Variants in KIAA1549L observed in about 807,000 individuals in gnomAD.
KIAA1549L encodes KIAA1549 like.
KIAA1549L carries 88 observed loss-of-function variants against 160.7 expected under a neutral mutation model. The ratio of observed to expected loss-of-function variants is 0.55; its 90% CI spans 0.46 to 0.65. The LOEUF (loss-of-function observed/expected upper bound fraction) is 0.65, where lower values mean the gene tolerates loss of function less well. Among genes scored for constraint, KIAA1549L ranks in the 30% least tolerant of loss-of-function variants. The pLI is 0.00. For missense variants in KIAA1549L, 2,258 were observed against 2,437.5 expected (o/e 0.93, Z 1.55); for synonymous variants, 950 against 976.7 (o/e 0.97, Z 0.51).
chr11:33,455,270 G>A (rs1178243092), intron 1 of KIAA1549L, among the ~76,000 whole-genome samples: 1 of 152,188 alleles, frequency 6.6e-6, no homozygotes, highest in Admixed American at 6.5e-5. Context: ...TGTCCAGAAT[G>A]GTAGCCACAG....
intron 1 of KIAA1549L, among the ~76,000 whole-genome samples, chr11:33,449,315 G>T (rs1372329483): frequency 6.6e-6 from 1 of 151,696 alleles, no homozygotes; most frequent in East Asian, 1.9e-4. Flanking sequence ...CTTCTTTGGA[G>T]CTTACATTTT....
At chr11:33,454,109 A>G (rs1851774797) in intron 1 of KIAA1549L, among the ~76,000 whole-genome samples, 1 of 152,232 alleles carries the variant, frequency 6.6e-6, no homozygotes, top group Admixed American at 6.5e-5. Flanking sequence ...ACCCATCTGT[A>G]AACAGCTGTT....
At chr11:33,448,574 T>G (rs1307619495) in intron 1 of KIAA1549L, among the ~76,000 whole-genome samples, 1 of 152,182 alleles carries the variant, frequency 6.6e-6, no homozygotes, top group Non-Finnish European at 1.5e-5. Context: ...GAGAATAGGT[T>G]GATTCAGCTA....
chr11:33,505,875 G>A (rs1853073327), intron 1 of KIAA1549L, among the ~76,000 whole-genome samples: 1 of 152,126 alleles, frequency 6.6e-6, no homozygotes, highest in Non-Finnish European at 1.5e-5. Flanking sequence ...AATGTTATAC[G>A]ATAATAATCG....
Position 33,542,393 on chromosome 11 carries a change from C to A in KIAA1549L, c.830C>A (p.Ala277Asp). The change falls in exon 2 of 21, where the codon GCT becomes GAT. Residue 277 changes from alanine (A) to aspartate (D), a missense_variant. Physicochemically the swap from Ala to Asp is moderately radical, Grantham distance 126. This residue lies in a region of KIAA1549L where 540 missense variants were observed against 465.7 expected (regional missense o/e 1.16). Coordinates refer to ENST00000658780, the MANE Select transcript of KIAA1549L (RefSeq NM_012194.3). ...SPKVLLVPQT[A>D]PADPSLGQNI... Reference sequence around the variant, plus strand: ...AAAGTGCTGTTAGTTCCCCAAACAGCTCCAGCCGACCCCTCTTTAGGTCAG... The same window carrying A: ...AAAGTGCTGTTAGTTCCCCAAACAGATCCAGCCGACCCCTCTTTAGGTCAG... 2.2e-6 allele frequency: 3 copies of A among 1,385,902 alleles called. No individual in the cohort carries two copies. In the South Asian group the frequency reaches 4.2e-5, roughly 19 times the overall value. 85.9% of individuals were successfully genotyped at this position (1,385,902 alleles called of 1,614,324 possible).
At chr11:33,599,128 C>G (rs372015032) in intron 13 of KIAA1549L, 181 bp downstream of exon 13, 1 of 564,426 alleles carries the variant, frequency 1.8e-6, no homozygotes, top group African/African-American at 1.9e-5. Flanking sequence ...CTCACCTTAC[C>G]CCTTGTCTGA....
chr11:33,387,393 C>T (rs902802974), intron 1 of KIAA1549L, among the ~76,000 whole-genome samples: 12 of 152,060 alleles, frequency 7.9e-5, no homozygotes, highest in Non-Finnish European at 1.3e-4. Flanking sequence ...GCAATCTCCA[C>T]GTCCCAGGTT....
rs1159892237 is a variant in KIAA1549L at position 33,673,377 on chromosome 11, TCTC to T, written c.*5227_*5229del. The stretch of plus-strand genomic sequence containing the variant: ...TAAATTACTGTGGCCCCATCTTATT[TCTC>T]CTCATTTCTTCCTTATGTTTAAACA... On this transcript the variant is annotated 3_prime_UTR_variant, in exon 21 of 21. Transcript: ENST00000658780. 7 of 152,268 alleles carry T rather than the reference TCTC, an allele frequency of 4.6e-5. No homozygotes were observed. The South Asian group carries it at 6.2e-4, about 14-fold the overall frequency. 9.4% of individuals were successfully genotyped at this position (152,268 alleles called of 1,614,324 possible).
At chr11:33,537,710 T>A (rs910705321) in intron 1 of KIAA1549L, among the ~76,000 whole-genome samples, 2 of 152,186 alleles carry the variant, frequency 1.3e-5, no homozygotes, top group African/African-American at 2.4e-5. Context: ...TTAGGGAGAT[T>A]GTGGTTTCTT....
intron 4 of KIAA1549L, among the ~76,000 whole-genome samples, chr11:33,549,594 G>A (rs531637547): frequency 1.1e-3 from 160 of 152,236 alleles, no homozygotes; most frequent in African/African-American, 3.7e-3. Context: ...AAAACTGACC[G>A]GGAGCACACA....
chr11:33,400,670 C>G (rs12802371), intron 1 of KIAA1549L, among the ~76,000 whole-genome samples: 2,329 of 152,318 alleles, frequency 0.015, 29 homozygotes, highest in Middle Eastern at 0.082. Flanking sequence ...TATCTTAAAA[C>G]TGTTCTTACT....
At chr11:33,657,755 C>A (rs1452849428) in intron 18 of KIAA1549L, among the ~76,000 whole-genome samples, 1 of 152,182 alleles carries the variant, frequency 6.6e-6, no homozygotes, top group Non-Finnish European at 1.5e-5. Context: ...CGAGGTGGTG[C>A]CACTGCACTC....
At chr11:33,495,775 C>T (rs537297904) in intron 1 of KIAA1549L, among the ~76,000 whole-genome samples, 24 of 152,044 alleles carry the variant, frequency 1.6e-4, no homozygotes, top group African/African-American at 5.3e-4. Flanking sequence ...TCTCCACATC[C>T]TCTCCAGCAC....
At chr11:33,576,723 C>G (rs138148062) in intron 10 of KIAA1549L, among the ~76,000 whole-genome samples, 1 of 152,230 alleles carries the variant, frequency 6.6e-6, no homozygotes, top group Non-Finnish European at 1.5e-5. Flanking sequence ...AAGCGGGGCT[C>G]AGAGGAATCA....
chr11:33,630,381 C>T (rs932392666), intron 16 of KIAA1549L, among the ~76,000 whole-genome samples: 5 of 152,256 alleles, frequency 3.3e-5, no homozygotes, highest in Admixed American at 6.5e-5. Flanking sequence ...CCCCCAGCCT[C>T]GCTGCCACCT....
chr11:33,632,060 T>C (rs910378199), intron 16 of KIAA1549L, among the ~76,000 whole-genome samples: 1 of 152,216 alleles, frequency 6.6e-6, no homozygotes, highest in Admixed American at 6.5e-5. Flanking sequence ...GAGTTCACTG[T>C]GAATGGTGGT....
At chr11:33,624,124 G>GCTGACCCCATGGAGGCT (rs1229927098) in intron 16 of KIAA1549L, among the ~76,000 whole-genome samples, 2 of 152,208 alleles carry the variant, frequency 1.3e-5, no homozygotes, top group Admixed American at 1.3e-4. Flanking sequence ...CAAGGCCTCA[G>GCTGACCCCATGGAGGCT]CTGACCCCAT....
chr11:33,517,264 C>A (rs1853368461), intron 1 of KIAA1549L, among the ~76,000 whole-genome samples: 1 of 152,202 alleles, frequency 6.6e-6, no homozygotes, highest in South Asian at 2.1e-4. Context: ...ATTATTTCTG[C>A]TGAAGGGCTG....
intron 5 of KIAA1549L, 44 bp from the exon 6 acceptor site, chr11:33,552,064 G>A (rs767882103): frequency 6.2e-7 from 1 of 1,606,070 alleles, no homozygotes; most frequent in East Asian, 2.2e-5. Context: ...AAGGAACTGA[G>A]ACATGGAGCT....
Sources: gnomAD v4.1 joint callset for allele counts (sites outside exome capture counted in the v4.1 genomes callset) on GRCh38, gnomAD v4.1.1 for gene constraint, gnomAD v4.1.1 regional missense constraint, MANE v1.5 for transcripts, NCBI Gene and HGNC (gene_info 2026-07-23, HGNC 2026-07-21) for gene names.